ANKRD30BL: variants seen among roughly 807,000 people sequenced by gnomAD.
ANKRD30BL encodes ankyrin repeat domain 30B like.
ANKRD30BL carries 20 observed loss-of-function variants against 18.4 expected under a neutral mutation model. The ratio of observed to expected loss-of-function variants is 1.09; its 90% CI spans 0.77 to 1.58. ANKRD30BL has a LOEUF of 1.58. ANKRD30BL is among the 40% of genes most tolerant of loss of function. The pLI is 0.00. For synonymous variants in ANKRD30BL, 72 were observed against 100.9 expected (o/e 0.71, Z 1.72); for missense variants, 224 against 268.6 (o/e 0.83, Z 1.16).
intron 1 of ANKRD30BL, among the ~76,000 whole-genome samples, chr2:132,171,866 TTAAACAA>T (rs1040783262): frequency 2.2e-4 from 33 of 152,190 alleles, no homozygotes; most frequent in African/African-American, 7.5e-4. Flanking sequence ...TCTGTACCCA[TTAAACAA>T]TAACTTCTCA....
chr2:132,198,293 TTTC>T (rs1679010245), intron 1 of ANKRD30BL, among the ~76,000 whole-genome samples: 2 of 10,794 alleles, frequency 1.9e-4, no homozygotes, highest in Admixed American at 1.3e-3. Flanking sequence ...TCTTTCTTTC[TTTC>T]TTTCTTTCTT....
chr2:132,236,809 T>A (rs1230581542), intron 1 of ANKRD30BL, among the ~76,000 whole-genome samples: 1 of 151,958 alleles, frequency 6.6e-6, no homozygotes, highest in East Asian at 1.9e-4. Flanking sequence ...CATGCTGCTA[T>A]AAAGACACAT....
intron 1 of ANKRD30BL, among the ~76,000 whole-genome samples, chr2:132,239,589 C>G (rs1573879351): frequency 6.6e-6 from 1 of 151,656 alleles, no homozygotes; most frequent in African/African-American, 2.4e-5. Context: ...TTAAAATCTG[C>G]AAGTGGATAT....
intron 1 of ANKRD30BL, among the ~76,000 whole-genome samples, chr2:132,180,332 G>A (rs1688439816): frequency 1.3e-5 from 2 of 151,524 alleles, no homozygotes; most frequent in Admixed American, 6.6e-5. Context: ...CAGATTTGTA[G>A]CCTAGGAGCA....
In ANKRD30BL at chr2:132,231,818, G is replaced by C. The variant is rs201857942; in HGVS notation, n.441+25711C>G. Among the ~76,000 whole-genome samples the C allele has an allele frequency of 5.5e-3, 833 of 152,348 alleles. 60 individuals carry two copies. The East Asian group carries it at 0.14, about 26-fold the overall frequency. ...GGTAAACAAAGCAGCCAGGAAGCTCGAACTGGGTGGAGCCCACCACAGCTC... is the reference window on the plus strand; with the variant it reads ...GGTAAACAAAGCAGCCAGGAAGCTCCAACTGGGTGGAGCCCACCACAGCTC... On this transcript the variant is annotated intron_variant and non_coding_transcript_variant, in intron 1 of 4. Coordinates refer to the ANKRD30BL transcript ENST00000470729.
In ANKRD30BL at chr2:132,182,482, G is replaced by GA. The variant is rs997239394; in HGVS notation, n.442-25337dup. On this transcript the variant is annotated intron_variant and non_coding_transcript_variant, in intron 1 of 4. Coordinates refer to the ANKRD30BL transcript ENST00000470729. ...GGTGACAGAGCAAGACTCCATCTCA[G>GA]AAAAAAAAAAAAAAGAAAATTTGTG... Among the ~76,000 whole-genome samples the GA allele has an allele frequency of 7.4e-3, 820 of 110,816 alleles. 4 individuals are homozygous for GA. The highest frequency in any genetic ancestry group is 0.02 in the African/African-American group (589 of 29,978). The allele number at this position is 110,816 out of a possible 152,430, so 72.7% of individuals were successfully genotyped here. A position where few individuals can be genotyped will look rare whatever the true frequency, so the allele number is the denominator to read the frequency against.
intron 1 of ANKRD30BL, among the ~76,000 whole-genome samples, chr2:132,201,883 G>A (rs940290753): frequency 6.6e-6 from 1 of 152,122 alleles, no homozygotes; most frequent in African/African-American, 2.4e-5. Context: ...CAAAGACTTG[G>A]AACCAACCCA....
chr2:132,157,262 A>T, intron 2 of ANKRD30BL, 47 bp downstream of exon 2: 1 of 916,284 alleles, frequency 1.1e-6, no homozygotes, highest in East Asian at 2.7e-5. Flanking sequence ...TATTCTATGT[A>T]TTTAAACCAA....
At chr2:132,148,301 T>C in intron 5 of ANKRD30BL, 73 bp from the exon 6 acceptor site, 7 of 1,285,530 alleles carry the variant, frequency 5.4e-6, no homozygotes, top group Non-Finnish European at 7.6e-6. Flanking sequence ...CTGGAAAACT[T>C]CTACTCATTC....
At chr2:132,200,114 C>A (rs1171605550) in intron 1 of ANKRD30BL, among the ~76,000 whole-genome samples, 3 of 151,978 alleles carry the variant, frequency 2.0e-5, no homozygotes, top group Non-Finnish European at 4.4e-5. Flanking sequence ...TAAAAACTCT[C>A]AATAAATTAG....
Position 132,161,496 on chromosome 2 carries a change from C to T in ANKRD30BL, c.210G>A (p.Ala70=). Residue 70 remains alanine (A), a synonymous_variant, in exon 1 of 6, where the codon GCG becomes GCA. Coordinates refer to ENST00000409867, the MANE Select transcript of ANKRD30BL (RefSeq NM_001358416.1). ...KTTMDLNIRD[A]KKRTALYWAC... is the part of the protein sequence containing the mutation. ...CAGGCAGGGCCTGGTACCTCTTCTTCGCATCTCTTATGTTCAGGTCCATTG... is the reference window on the plus strand; with the variant it reads ...CAGGCAGGGCCTGGTACCTCTTCTTTGCATCTCTTATGTTCAGGTCCATTG... 6.9e-7 allele frequency: 1 copy of T among 1,456,370 alleles called. No homozygotes were observed. Among genetic ancestry groups the T allele is most frequent in the East Asian group, 2.5e-5 (1 of 40,398 alleles). The allele number at this position is 1,456,370 out of a possible 1,614,324, so 90.2% of individuals were successfully genotyped here.
chr2:132,198,763 G>A (rs1330080858), intron 1 of ANKRD30BL, among the ~76,000 whole-genome samples: 4 of 151,612 alleles, frequency 2.6e-5, no homozygotes, highest in South Asian at 2.1e-4. Context: ...GATTACAGGC[G>A]CCCACCACCA....
chr2:132,255,633 A>C (rs546363682), intron 1 of ANKRD30BL, among the ~76,000 whole-genome samples: 1 of 152,302 alleles, frequency 6.6e-6, no homozygotes, highest in East Asian at 1.9e-4. Context: ...AAGTGCACTC[A>C]TTCCAATTAC....
intron 1 of ANKRD30BL, among the ~76,000 whole-genome samples, chr2:132,236,286 C>A (rs973980805): frequency 6.6e-6 from 1 of 152,142 alleles, no homozygotes; most frequent in Non-Finnish European, 1.5e-5. Flanking sequence ...TGGGCAAGGA[C>A]TTCATGTCTA....
intron 1 of ANKRD30BL, among the ~76,000 whole-genome samples, chr2:132,232,898 T>G: frequency 6.6e-6 from 1 of 151,380 alleles, no homozygotes; most frequent in Non-Finnish European, 1.5e-5. Flanking sequence ...TTCATCAAAG[T>G]TGAAATGAAG....
In ANKRD30BL at chr2:132,207,284, CA is replaced by C. The variant is rs529413157; in HGVS notation, n.442-50139del. On this transcript the variant is annotated intron_variant and non_coding_transcript_variant, in intron 1 of 4. Transcript: ENST00000470729. ...CAGACAGCTTAATTCAAATCAATAC[CA>C]ATCAGGAGATAAACAAGTGTTTGTC... Among the ~76,000 whole-genome samples the C allele has an allele frequency of 1.7e-3, 257 of 152,082 alleles. 1 individual carries two copies. The highest frequency in any genetic ancestry group is 5.7e-3 in the African/African-American group (236 of 41,500).
rs535252291 is a variant in ANKRD30BL, at chr2:132,202,198, G to A, written n.442-45052C>T. Among the ~76,000 whole-genome samples the A allele has an allele frequency of 2.2e-3, 338 of 152,166 alleles. 1 individual carries two copies. Among genetic ancestry groups the A allele is most frequent in the African/African-American group, 7.3e-3 (302 of 41,502 alleles). On this transcript the variant is annotated intron_variant and non_coding_transcript_variant, in intron 1 of 4. Coordinates refer to the ANKRD30BL transcript ENST00000470729. The stretch of plus-strand genomic sequence containing the variant: ...GGGAGTATACCTAATGCTAGATGAC[G>A]AGTTAGTGGGTGCAGTGCACCAGCA...
intron 1 of ANKRD30BL, among the ~76,000 whole-genome samples, chr2:132,205,606 AAAAAAAAG>A (rs1412433448): frequency 6.6e-6 from 1 of 151,546 alleles, no homozygotes; most frequent in African/African-American, 2.4e-5. Context: ...CGTCTCAAAA[AAAAAAAAG>A]AAAAAAGAAA....
intron 1 of ANKRD30BL, among the ~76,000 whole-genome samples, chr2:132,177,689 A>C (rs1688388817): frequency 6.6e-6 from 1 of 152,210 alleles, no homozygotes; most frequent in African/African-American, 2.4e-5. Context: ...AAAATACTGG[A>C]TTTCAATATA....
Sources: allele counts gnomAD v4.1 joint callset (sites outside exome capture counted in the v4.1 genomes callset), GRCh38; gene constraint gnomAD v4.1.1; transcripts MANE v1.5; gene names NCBI Gene and HGNC (gene_info 2026-07-23, HGNC 2026-07-21).